PPP5C: variants seen among roughly 807,000 people sequenced by gnomAD.
The protein encoded by PPP5C is serine/threonine-protein phosphatase 5.
In PPP5C, 21 loss-of-function variants were observed where a neutral mutation model predicts 66.7. That is an observed-to-expected ratio of 0.31 (90% CI 0.22 to 0.45). The LOEUF (loss-of-function observed/expected upper bound fraction) is 0.45. Ranked by LOEUF, PPP5C falls within the 20% of genes least tolerant of loss-of-function variation. The probability of loss-of-function intolerance (pLI) is 1.00; values close to 1 mark genes in which losing one functional copy is unlikely to be tolerated. For missense variants in PPP5C, 464 were observed against 675.9 expected, an observed-to-expected ratio of 0.69 and a Z score of 3.48; for synonymous variants, 246 against 257.4, an observed-to-expected ratio of 0.96 and a Z score of 0.43.
chr19:46,372,573 C>T (rs1460555476), intron 2 of PPP5C, among the ~76,000 whole-genome samples: 1 of 152,202 alleles, frequency 6.6e-6, no homozygotes, highest in Non-Finnish European at 1.5e-5. Context: ...CACGCAGCCC[C>T]CAGGGCTTCT....
chr19:46,353,287 T>C (rs1446618038), intron 1 of PPP5C, among the ~76,000 whole-genome samples: 5 of 152,120 alleles, frequency 3.3e-5, no homozygotes. Context: ...ATCCTGTCAC[T>C]CCACACTTAG....
chr19:46,390,237 G>A (rs1439369123), intron 12 of PPP5C, 47 bp from the exon 13 acceptor site: 3 of 1,599,742 alleles, frequency 1.9e-6, no homozygotes, highest in African/African-American at 2.7e-5. Flanking sequence ...GGGTGCTCAG[G>A]GGCTCTGTTC....
In PPP5C at chr19:46,387,747, G is replaced by C. The variant is rs1601447220; in HGVS notation, c.1135+294G>C. 5 of 1,342,514 alleles carry C rather than the reference G, an allele frequency of 3.7e-6. No homozygotes were observed. The East Asian group carries it at 1.3e-4, about 35-fold the overall frequency. The allele number at this position is 1,342,514 out of a possible 1,614,324, so 83.2% of individuals were successfully genotyped here. A position where few individuals can be genotyped will look rare whatever the true frequency, so the allele number is the denominator to read the frequency against. ...GAACCCTGGAAGGAGGGGAGGTCTT[G>C]GGGCTCCTGTGCTAGTGACGGGCAC... On this transcript the variant is annotated intron_variant, in intron 9 of 12. Coordinates refer to ENST00000012443, the MANE Select transcript of PPP5C (RefSeq NM_006247.4).
chr19:46,386,978 C>T (rs757850700), intron 7 of PPP5C, 115 bp from the exon 8 acceptor site: 141 of 1,463,902 alleles, frequency 9.6e-5, no homozygotes, highest in Non-Finnish European at 1.3e-4. Context: ...GTGGCAAGTG[C>T]GAGGCCCATG....
chr19:46,381,390 A>T (rs973061063), intron 4 of PPP5C: 4 of 152,178 alleles, frequency 2.6e-5, no homozygotes, highest in Non-Finnish European at 5.9e-5. Flanking sequence ...ATTTTATTGT[A>T]TGCCAGCTAT....
At chr19:46,348,946 G>A (rs772769570) in intron 1 of PPP5C, among the ~76,000 whole-genome samples, 2 of 152,190 alleles carry the variant, frequency 1.3e-5, no homozygotes, top group Non-Finnish European at 2.9e-5. Flanking sequence ...AGTTATTGGG[G>A]AGTGATGGGG....
At chr19:46,369,495 G>A (rs1189491245) in intron 2 of PPP5C, among the ~76,000 whole-genome samples, 1 of 152,000 alleles carries the variant, frequency 6.6e-6, no homozygotes, top group Non-Finnish European at 1.5e-5. Flanking sequence ...AGCCGGGCGT[G>A]GTGGCAGGTG....
In PPP5C at chr19:46,388,709, G is replaced by A. The variant is rs778377016; in HGVS notation, c.1333G>A (p.Val445Ile). The change falls in exon 11 of 13, where the codon GTC (valine) becomes ATC (isoleucine). Residue 445 changes from valine (V) to isoleucine (I), a missense_variant. Physicochemically the swap from Val to Ile is conservative, Grantham distance 29 (BLOSUM62 3). Around this residue, in one of 2 missense-constraint regions of PPP5C, gnomAD observed 387 missense variants for 626.0 expected, o/e 0.62. Transcript: ENST00000012443. This position sits in a 1 kb window ranked among gnomAD's most constrained non-coding sequence, Gnocchi z 4.9. ...EVAHGGRCVTVFSAPNYCDQM... is the reference protein window; with the variant it reads ...EVAHGGRCVTIFSAPNYCDQM... ...GGCTCACGGAGGCCGCTGTGTCACC[G>A]TCTTCTCTGCCCCCAACTACTGGTA... 42 of 1,614,012 alleles carry A rather than the reference G, an allele frequency of 2.6e-5. No individual in the cohort carries two copies. Among genetic ancestry groups the A allele is most frequent in the Non-Finnish European group, 3.2e-5 (38 of 1,180,014 alleles).
chr19:46,349,446 T>C (rs187612901), intron 1 of PPP5C, among the ~76,000 whole-genome samples: 6 of 151,700 alleles, frequency 4.0e-5, no homozygotes, highest in African/African-American at 1.5e-4. Context: ...GTGGGAAGGG[T>C]CTGGAGCCCT....
Position 46,347,237 on chromosome 19 carries a change from A to T in PPP5C, c.121+20A>T, listed in dbSNP as rs1972098202. 1 of 1,594,636 alleles carries T rather than the reference A, an allele frequency of 6.3e-7. No homozygotes were observed. Among genetic ancestry groups the T allele is most frequent in the Admixed American group, 1.7e-5 (1 of 57,934 alleles). ...TCAAAGGTGCGCCCGCCTGGCAGGG[A>T]GGGTGGACAGTGGCCCAGGCTGAGG... On this transcript the variant is annotated intron_variant, in intron 1 of 12. Transcript: ENST00000012443.
intron 2 of PPP5C, among the ~76,000 whole-genome samples, chr19:46,369,029 A>G (rs1421949883): frequency 6.6e-6 from 1 of 152,226 alleles, no homozygotes; most frequent in African/African-American, 2.4e-5. Flanking sequence ...GCTACTCTGT[A>G]CTTATTGGTA....
intron 2 of PPP5C, among the ~76,000 whole-genome samples, chr19:46,375,092 C>G (rs1214382031): frequency 1.3e-5 from 2 of 152,200 alleles, no homozygotes; most frequent in Non-Finnish European, 2.9e-5. Context: ...TCCCACAGCC[C>G]TGGCAGGGGA....
rs562588383 is a variant in PPP5C, at chr19:46,361,381, G to A, written c.363+7392G>A. Among the ~76,000 whole-genome samples, 16 of 146,032 alleles carry A rather than the reference G, an allele frequency of 1.1e-4. 1 individual carries two copies. Among genetic ancestry groups the A allele is most frequent in the South Asian group, 6.5e-4 (3 of 4,592 alleles). ...CTTGACCTCATGATCCGCCCGCCTC[G>A]GCCTCCCAAAGTGCTGGGATTACAG... On this transcript the variant is annotated intron_variant, in intron 2 of 12. Transcript: ENST00000012443.
rs938866403 is a variant in PPP5C at position 46,387,387 on chromosome 19, A to G, written c.1069A>G (p.Ser357Gly). The G allele has an allele frequency of 1.2e-6, 2 of 1,610,822 alleles. No homozygotes were observed. The highest frequency in any genetic ancestry group is 1.3e-5 in the African/African-American group (1 of 74,872). The change falls in exon 9 of 13, where the codon AGT becomes GGT. Residue 357 changes from serine to glycine, a missense_variant. Physicochemically the swap from Ser to Gly is moderately conservative, Grantham distance 56 (BLOSUM62 0). Transcript: ENST00000012443. ...KVLIMHGGLF[S>G]EDGVTLDDIR... ...CCAGATCATGCACGGAGGCCTGTTC[A>G]GTGAAGACGGTGTCACCCTGGATGA...
intron 2 of PPP5C, among the ~76,000 whole-genome samples, chr19:46,357,503 G>GAATTA (rs1198275422): frequency 6.6e-6 from 1 of 152,200 alleles, no homozygotes; most frequent in Admixed American, 6.5e-5. Context: ...AATTAATTCT[G>GAATTA]ACACTATCTG....
rs745504432 is a variant in PPP5C, at chr19:46,384,842, T to A, written c.837T>A (p.Ser279=). The change falls in exon 7 of 13, where the codon TCT becomes TCA. Residue 279 remains serine (S), a synonymous_variant. Transcript: ENST00000012443. The part of the protein sequence containing the change: ...NGDFVDRGSF[S]VEVILTLFGF... ...ACTTTGTGGACCGAGGCTCCTTCTCTGTAGAAGTGATCCTCACCCTTTTCG... is the reference window on the plus strand; with the variant it reads ...ACTTTGTGGACCGAGGCTCCTTCTCAGTAGAAGTGATCCTCACCCTTTTCG... 8 of 1,614,004 alleles carry A rather than the reference T, an allele frequency of 5.0e-6. No homozygotes were observed. In the East Asian group the frequency reaches 1.8e-4, roughly 36 times the overall value.
At chr19:46,378,575 T>C (rs1049853570) in intron 4 of PPP5C, among the ~76,000 whole-genome samples, 1 of 152,230 alleles carries the variant, frequency 6.6e-6, no homozygotes, top group Non-Finnish European at 1.5e-5. Flanking sequence ...TACTTGTAGA[T>C]TTGCCTATTT....
intron 2 of PPP5C, among the ~76,000 whole-genome samples, chr19:46,356,440 A>C (rs1346676886): frequency 1.3e-5 from 2 of 152,256 alleles, no homozygotes; most frequent in Non-Finnish European, 2.9e-5. Flanking sequence ...CCAGGGAAGC[A>C]GAGCAAAGAC....
At chr19:46,385,199 CA>C (rs2082555832) in intron 7 of PPP5C, among the ~76,000 whole-genome samples, 2 of 152,184 alleles carry the variant, frequency 1.3e-5, no homozygotes, top group Admixed American at 1.3e-4. Flanking sequence ...GGGCATGAAA[CA>C]GGCTCCTGGG....
Sources: gnomAD v4.1 joint callset for allele counts (sites outside exome capture counted in the v4.1 genomes callset) on GRCh38, gnomAD v4.1.1 for gene constraint, gnomAD v4.1.1 regional missense constraint, Gnocchi (gnomAD v3.1) non-coding constraint, MANE v1.5 for transcripts, NCBI Gene and HGNC (gene_info 2026-07-23, HGNC 2026-07-21) for gene names.